The following HOMER1 variants were observed in gnomAD, a reference collection of about 807,000 sequenced individuals.
HOMER1 encodes the protein homer protein homolog 1.
A neutral mutation model predicts 48.9 loss-of-function variants in HOMER1; 3 were observed. The ratio of observed to expected loss-of-function variants is 0.06; its 90% CI spans 0.03 to 0.16. The LOEUF is 0.16. Among genes scored for constraint, HOMER1 ranks in the 10% least tolerant of loss-of-function variants. HOMER1 has a pLI of 1.00. For synonymous variants in HOMER1, 134 were observed against 146.4 expected (o/e 0.92, Z 0.61); for missense variants, 247 against 411.4 (o/e 0.60, Z 3.46).
At chr5:79,423,174 AC>A (rs1414519921) in intron 5 of HOMER1, among the ~76,000 whole-genome samples, 1 of 152,154 alleles carries the variant, frequency 6.6e-6, no homozygotes, top group Non-Finnish European at 1.5e-5. Flanking sequence ...AATTGACTTC[AC>A]TATTTTCCAT....
intron 1 of HOMER1, among the ~76,000 whole-genome samples, chr5:79,483,209 T>C (rs1278706660): frequency 6.6e-6 from 1 of 152,070 alleles, no homozygotes; most frequent in South Asian, 2.1e-4. Flanking sequence ...GCATATTACA[T>C]ACAATTGAAA....
intron 6 of HOMER1, among the ~76,000 whole-genome samples, chr5:79,401,471 A>G (rs1437016451): frequency 1.3e-5 from 2 of 152,180 alleles, no homozygotes; most frequent in Non-Finnish European, 2.9e-5. Flanking sequence ...CCAGAAATGG[A>G]GAATCCCCTC....
chr5:79,501,083 A>AC (rs1349838509), intron 1 of HOMER1, among the ~76,000 whole-genome samples: 1 of 151,390 alleles, frequency 6.6e-6, no homozygotes, highest in African/African-American at 2.4e-5. Flanking sequence ...CCATCCTCCC[A>AC]CCTTGGCCTC....
rs188615661 is a variant in HOMER1, at chr5:79,502,606, G to A, written c.5+10164C>T. Among the ~76,000 whole-genome samples, 12 of 152,106 alleles carry A rather than the reference G, an allele frequency of 7.9e-5. No homozygotes were observed. The East Asian group carries it at 1.2e-3, about 15-fold the overall frequency. ...GAGGTCATACAGAACATCTAATTTC[G>A]TATCCTGATTTCTAATTGACCACTG... On this transcript the variant is annotated intron_variant, in intron 1 of 8. Transcript: ENST00000334082.
chr5:79,476,151 T>C (rs927443170), intron 1 of HOMER1, among the ~76,000 whole-genome samples: 3 of 152,210 alleles, frequency 2.0e-5, no homozygotes, highest in Admixed American at 6.5e-5. Flanking sequence ...ACCATCTGCA[T>C]TGATGGCACT....
chr5:79,452,984 G>T (rs902312093), intron 2 of HOMER1, among the ~76,000 whole-genome samples: 1 of 152,094 alleles, frequency 6.6e-6, no homozygotes, highest in Non-Finnish European at 1.5e-5. Context: ...GGAATCATTC[G>T]TTTATTCAAC....
chr5:79,508,546 T>C (rs771358058), intron 1 of HOMER1, among the ~76,000 whole-genome samples: 3 of 152,206 alleles, frequency 2.0e-5, no homozygotes, highest in Non-Finnish European at 2.9e-5. Context: ...CAAAGGGAGC[T>C]AGCTCAAGCA....
intron 5 of HOMER1, among the ~76,000 whole-genome samples, chr5:79,407,332 C>T (rs913278008): frequency 2.0e-5 from 3 of 150,878 alleles, no homozygotes; most frequent in Non-Finnish European, 4.4e-5. Flanking sequence ...AAAAAAAACA[C>T]TCCTCACTGT....
At chr5:79,389,684 C>T (rs918289183) in intron 8 of HOMER1, among the ~76,000 whole-genome samples, 4 of 152,142 alleles carry the variant, frequency 2.6e-5, no homozygotes, top group East Asian at 3.8e-4. Context: ...CAACCAAACC[C>T]GCCCGTACCT....
At chr5:79,442,812 A>G (rs1750772127) in intron 4 of HOMER1, among the ~76,000 whole-genome samples, 1 of 152,244 alleles carries the variant, frequency 6.6e-6, no homozygotes, top group Non-Finnish European at 1.5e-5. Flanking sequence ...AATGGAAAGA[A>G]GACAGCAAAA....
intron 1 of HOMER1, among the ~76,000 whole-genome samples, chr5:79,463,041 T>A (rs1751359407): frequency 6.6e-6 from 1 of 152,236 alleles, no homozygotes; most frequent in Non-Finnish European, 1.5e-5. Context: ...GAAAGTAGCC[T>A]GAAAGTATTC....
intron 5 of HOMER1, among the ~76,000 whole-genome samples, chr5:79,437,292 AT>A (rs1193838945): frequency 4.6e-5 from 7 of 152,212 alleles, no homozygotes; most frequent in African/African-American, 1.7e-4. Context: ...GTATATAATT[AT>A]GTTCAGTGAA....
chr5:79,401,851 G>A (rs531968328), intron 6 of HOMER1, 48 bp downstream of exon 6: 1 of 1,581,576 alleles, frequency 6.3e-7, no homozygotes, highest in Admixed American at 1.8e-5. Flanking sequence ...TTCTGATCAA[G>A]AAAACCTGTT....
Position 79,396,805 on chromosome 5 carries a change from A to AT in HOMER1, c.876+17dup. On this transcript the variant is annotated intron_variant, in intron 8 of 8. Coordinates refer to ENST00000334082, the MANE Select transcript of HOMER1 (RefSeq NM_004272.5). ...CCTTTCTATGCAGAAGTGAATAACA[A>AT]TTTTTACTACAGCTCACCTGTAGTT... is the stretch of plus-strand genomic sequence containing the variant. The AT allele has an allele frequency of 6.7e-7, 1 of 1,503,100 alleles. No individual in the cohort carries two copies. The highest frequency in any genetic ancestry group is 9.2e-7 in the Non-Finnish European group (1 of 1,085,404). The allele number at this position is 1,503,100 out of a possible 1,614,324, so 93.1% of individuals were successfully genotyped here.
Position 79,459,127 on chromosome 5 carries a change from AG to A in HOMER1, c.6-2110del, listed in dbSNP as rs1436562070. Among the ~76,000 whole-genome samples, 10 of 152,068 alleles carry A rather than the reference AG, an allele frequency of 6.6e-5. 1 individual carries two copies. The highest frequency in any genetic ancestry group is 2.4e-4 in the African/African-American group (10 of 41,558). On this transcript the variant is annotated intron_variant, in intron 1 of 8. Coordinates refer to ENST00000334082, the MANE Select transcript of HOMER1 (RefSeq NM_004272.5). Reference sequence around the variant, plus strand: ...GATTTTTTTGTTGTTTTCATTTGGTAGGGGTTAAGTTTCCTAAATTCACCTA... The same window carrying A: ...GATTTTTTTGTTGTTTTCATTTGGTAGGGTTAAGTTTCCTAAATTCACCTA...
At chr5:79,420,527 T>C (rs1750067185) in intron 5 of HOMER1, among the ~76,000 whole-genome samples, 1 of 152,224 alleles carries the variant, frequency 6.6e-6, no homozygotes, top group Non-Finnish European at 1.5e-5. Context: ...TTTGTGGCAC[T>C]TTCCATAACA....
chr5:79,401,877 T>C (rs202102495), intron 6 of HOMER1, 22 bp downstream of exon 6: 85 of 1,612,330 alleles, frequency 5.3e-5, no homozygotes, highest in Non-Finnish European at 6.9e-5. Flanking sequence ...TAAATCCCTA[T>C]AGACATCAGC....
chr5:79,484,526 C>A (rs987650481), intron 1 of HOMER1, among the ~76,000 whole-genome samples: 1 of 151,954 alleles, frequency 6.6e-6, no homozygotes, highest in African/African-American at 2.4e-5. Flanking sequence ...CCAGCCTAGG[C>A]AACACTGCAA....
rs756583265 is a variant in HOMER1, at chr5:79,451,504, C to G, written c.163-383G>C. Among the ~76,000 whole-genome samples the G allele has an allele frequency of 1.2e-3, 185 of 149,824 alleles. 4 individuals carry two copies. Among genetic ancestry groups the G allele is most frequent in the Non-Finnish European group, 3.1e-4 (21 of 67,732 alleles). ...TAGTGGTTTATTTAAAAGTAGGGTACCACCCTCCAAAGAATCTTTCAAAAA... is the reference window on the plus strand; with the variant it reads ...TAGTGGTTTATTTAAAAGTAGGGTAGCACCCTCCAAAGAATCTTTCAAAAA... On this transcript the variant is annotated intron_variant, in intron 2 of 8. Coordinates refer to ENST00000334082, the MANE Select transcript of HOMER1 (RefSeq NM_004272.5).
Sources: gnomAD v4.1 joint callset for allele counts (sites outside exome capture counted in the v4.1 genomes callset) on GRCh38, gnomAD v4.1.1 for gene constraint, MANE v1.5 for transcripts, NCBI Gene and HGNC (gene_info 2026-07-23, HGNC 2026-07-21) for gene names.